Variants in ELMO1 observed in about 807,000 individuals in gnomAD.
The protein encoded by ELMO1 is engulfment and cell motility 1.
ELMO1 carries 26 observed loss-of-function variants against 98.9 expected under a neutral mutation model. That is an observed-to-expected ratio of 0.26 (90% CI 0.19 to 0.36). The LOEUF is 0.36. ELMO1 is among the 10% of genes least tolerant of loss of function. The pLI, the probability that ELMO1 is intolerant of heterozygous loss-of-function variation, is 1.00. For synonymous variants in ELMO1, 346 were observed against 346.0 expected (o/e 1.00, Z 0.00); for missense variants, 627 against 935.2 (o/e 0.67, Z 4.30).
chr7:37,221,074 A>C (rs1454664678), intron 10 of ELMO1, among the ~76,000 whole-genome samples: 1 of 152,178 alleles, frequency 6.6e-6, no homozygotes, highest in Non-Finnish European at 1.5e-5. Context: ...ATTTCACCTC[A>C]GATCTGCAAA....
At chr7:37,121,494 C>A (rs533700014) in intron 14 of ELMO1, among the ~76,000 whole-genome samples, 24 of 152,142 alleles carry the variant, frequency 1.6e-4, no homozygotes, top group African/African-American at 5.1e-4. Context: ...GCTTCAGTAG[C>A]CAATTCGATC....
chr7:37,009,085 T>G (rs1207797050), intron 16 of ELMO1, among the ~76,000 whole-genome samples: 1 of 152,174 alleles, frequency 6.6e-6, no homozygotes, highest in African/African-American at 2.4e-5. Context: ...GTGGAGTAGT[T>G]AGCCACACAT....
At chr7:36,936,067 C>G (rs908733883) in intron 16 of ELMO1, among the ~76,000 whole-genome samples, 1 of 152,128 alleles carries the variant, frequency 6.6e-6, no homozygotes, top group East Asian at 1.9e-4. Context: ...GAATGCTGAC[C>G]ACCCCACCCA....
chr7:37,114,774 G>A (rs577308429), intron 14 of ELMO1, among the ~76,000 whole-genome samples: 2 of 152,156 alleles, frequency 1.3e-5, no homozygotes, highest in East Asian at 3.9e-4. Context: ...GTGGAAATCA[G>A]TGAAATTGAA....
At chr7:37,111,592 A>G (rs1448573566) in intron 14 of ELMO1, among the ~76,000 whole-genome samples, 1 of 152,256 alleles carries the variant, frequency 6.6e-6, no homozygotes, top group Non-Finnish European at 1.5e-5. Context: ...GTCTGGGTCC[A>G]AAGTCCCCAT....
chr7:37,133,012 C>G, intron 14 of ELMO1, 118 bp downstream of exon 14: 1 of 504,000 alleles, frequency 2.0e-6, no homozygotes, highest in Non-Finnish European at 3.1e-6. Flanking sequence ...TTTTAGTTTA[C>G]TAAGAAAGAC....
At chr7:37,124,571 C>T (rs1474432154) in intron 14 of ELMO1, among the ~76,000 whole-genome samples, 6 of 152,198 alleles carry the variant, frequency 3.9e-5, no homozygotes, top group African/African-American at 7.2e-5. Context: ...AAGAATCCAA[C>T]TTACAAGGGA....
At chr7:37,193,299 A>G (rs1791755487) in intron 13 of ELMO1, among the ~76,000 whole-genome samples, 1 of 152,126 alleles carries the variant, frequency 6.6e-6, no homozygotes, top group Non-Finnish European at 1.5e-5. Flanking sequence ...ACGCAGCCCA[A>G]CCCGCACAGT....
At chr7:36,951,755 C>T (rs751273184) in intron 16 of ELMO1, among the ~76,000 whole-genome samples, 6 of 152,202 alleles carry the variant, frequency 3.9e-5, no homozygotes, top group Non-Finnish European at 5.9e-5. Flanking sequence ...GCACTTCTTA[C>T]GCTTGAGACC....
intron 1 of ELMO1, among the ~76,000 whole-genome samples, chr7:37,426,736 C>T (rs975390417): frequency 6.6e-6 from 1 of 152,054 alleles, no homozygotes; most frequent in Non-Finnish European, 1.5e-5. Context: ...TTCCCAAACT[C>T]TAGTTCTTCA....
intron 16 of ELMO1, among the ~76,000 whole-genome samples, chr7:36,929,598 CA>C (rs1239242440): frequency 2.0e-5 from 3 of 152,100 alleles, no homozygotes; most frequent in Admixed American, 2.0e-4. Flanking sequence ...TGGCCCAGCC[CA>C]GAATGGTCAG....
chr7:37,181,784 C>G (rs1481879054), intron 13 of ELMO1, among the ~76,000 whole-genome samples: 1 of 152,258 alleles, frequency 6.6e-6, no homozygotes, highest in Middle Eastern at 3.4e-3. Flanking sequence ...AAAGTCAGTA[C>G]TTTGAACAAT....
At chr7:37,387,273 G>A (rs1287345629) in intron 1 of ELMO1, among the ~76,000 whole-genome samples, 2 of 152,326 alleles carry the variant, frequency 1.3e-5, no homozygotes, top group South Asian at 2.1e-4. Context: ...TCTCACAGTC[G>A]TGGAGGCTAG....
At chr7:37,223,413 C>T (rs1357924079) in intron 9 of ELMO1, among the ~76,000 whole-genome samples, 1 of 152,190 alleles carries the variant, frequency 6.6e-6, no homozygotes, top group Non-Finnish European at 1.5e-5. Flanking sequence ...CAGTTCATCA[C>T]AGGCTGGCTG....
chr7:37,087,136 C>T (rs926350376), intron 15 of ELMO1, among the ~76,000 whole-genome samples: 1 of 152,038 alleles, frequency 6.6e-6, no homozygotes, highest in Non-Finnish European at 1.5e-5. Flanking sequence ...ATAATTATTG[C>T]TGACATATGG....
chr7:37,302,878 G>A (rs1359195490), intron 4 of ELMO1, among the ~76,000 whole-genome samples: 1 of 152,158 alleles, frequency 6.6e-6, no homozygotes, highest in Non-Finnish European at 1.5e-5. Context: ...TCTGATCACA[G>A]TGGAAAGAAT....
At chr7:37,374,464 C>T (rs969345216) in intron 1 of ELMO1, among the ~76,000 whole-genome samples, 7 of 152,144 alleles carry the variant, frequency 4.6e-5, no homozygotes, top group Admixed American at 2.0e-4. Context: ...TAAAAAAATC[C>T]CTTGGCACCG....
At chr7:37,069,885 TTTTAAC>T (rs1190534168) in intron 15 of ELMO1, among the ~76,000 whole-genome samples, 9 of 152,190 alleles carry the variant, frequency 5.9e-5, no homozygotes, top group African/African-American at 2.2e-4. Context: ...ATTTCACCCT[TTTTAAC>T]TTTGAGAACA....
chr7:37,044,925 A>G (rs1049739081), intron 15 of ELMO1, among the ~76,000 whole-genome samples: 18 of 152,246 alleles, frequency 1.2e-4, no homozygotes, highest in Middle Eastern at 6.8e-3. Context: ...TGGGCTATTT[A>G]TTTTTTAATT....
Sources: gnomAD v4.1 joint callset for allele counts (sites outside exome capture counted in the v4.1 genomes callset) on GRCh38, gnomAD v4.1.1 for gene constraint, MANE v1.5 for transcripts, NCBI Gene and HGNC (gene_info 2026-07-23, HGNC 2026-07-21) for gene names.